Variants in KDM4C observed in about 807,000 individuals in gnomAD.
KDM4C encodes the protein lysine-specific demethylase 4C.
A neutral mutation model predicts 129.3 loss-of-function variants in KDM4C; 81 were observed. The ratio of observed to expected loss-of-function variants is 0.63; its 90% CI spans 0.52 to 0.75. The LOEUF (loss-of-function observed/expected upper bound fraction) is 0.75. Among genes scored for constraint, KDM4C ranks in the 30% least tolerant of loss-of-function variants. KDM4C has a pLI of 0.00. For missense variants in KDM4C, 1,457 were observed against 1,304.0 expected, an observed-to-expected ratio of 1.12 and a Z score of -1.81; for synonymous variants, 573 against 456.1, an observed-to-expected ratio of 1.26 and a Z score of -3.26.
intron 20 of KDM4C, among the ~76,000 whole-genome samples, chr9:7,166,938 G>T (rs750538100): frequency 9.9e-5 from 15 of 152,170 alleles, no homozygotes; most frequent in Non-Finnish European, 2.1e-4. Context: ...GGCCTTTTGA[G>T]ATCTTTTTGT....
chr9:6,857,488 C>T lies in KDM4C; in HGVS notation c.629+7788C>T, dbSNP rs192366027. On this transcript the variant is annotated intron_variant, in intron 5 of 21. Transcript: ENST00000381309. ...ACTCTAGCACACACCCACTTGCTTG[C>T]AGCCCCAAAACATTGATCTCTGTGG... is the stretch of plus-strand genomic sequence containing the variant. Among the ~76,000 whole-genome samples the T allele has an allele frequency of 9.8e-5, 15 of 152,294 alleles. No individual in the cohort carries two copies. In the East Asian group the frequency reaches 2.3e-3, roughly 23 times the overall value.
At chr9:7,036,764 T>C (rs945189882) in intron 15 of KDM4C, among the ~76,000 whole-genome samples, 2 of 152,234 alleles carry the variant, frequency 1.3e-5, no homozygotes, top group African/African-American at 4.8e-5. Context: ...AAGATTTGTC[T>C]GCACCACCCC....
intron 19 of KDM4C, among the ~76,000 whole-genome samples, chr9:7,130,705 C>T (rs567093913): frequency 6.6e-6 from 1 of 152,300 alleles, no homozygotes; most frequent in East Asian, 1.9e-4. Flanking sequence ...CATGAATTCA[C>T]ATAGATTGGA....
intron 8 of KDM4C, among the ~76,000 whole-genome samples, chr9:6,934,131 G>C (rs1824270359): frequency 6.6e-6 from 1 of 151,624 alleles, no homozygotes; most frequent in South Asian, 2.1e-4. Flanking sequence ...GGGATTACAG[G>C]TGTGAGCCAT....
At chr9:6,911,657 T>A (rs927588763) in intron 8 of KDM4C, among the ~76,000 whole-genome samples, 1 of 152,218 alleles carries the variant, frequency 6.6e-6, no homozygotes, top group Admixed American at 6.5e-5. Flanking sequence ...AGGGAGAAAT[T>A]TGACTAATCT....
intron 19 of KDM4C, among the ~76,000 whole-genome samples, chr9:7,162,229 A>C (rs537071127): frequency 1.0e-3 from 155 of 152,318 alleles, no homozygotes; most frequent in African/African-American, 3.6e-3. Context: ...TCTATAAGTA[A>C]AGAAAAAGAG....
At chr9:7,037,246 A>G (rs1346995986) in intron 15 of KDM4C, among the ~76,000 whole-genome samples, 1 of 152,140 alleles carries the variant, frequency 6.6e-6, no homozygotes, top group South Asian at 2.1e-4. Context: ...ACTTCAATCT[A>G]ATTATTTTTC....
intron 17 of KDM4C, among the ~76,000 whole-genome samples, chr9:7,050,104 T>C (rs1024165024): frequency 6.6e-6 from 1 of 152,064 alleles, no homozygotes; most frequent in African/African-American, 2.4e-5. Flanking sequence ...TCTGGGGCTC[T>C]CTTATAGGAA....
intron 15 of KDM4C, among the ~76,000 whole-genome samples, chr9:7,019,766 T>TTATATTTTTATATATAAA (rs1329668843): frequency 7.1e-6 from 1 of 141,096 alleles, no homozygotes; most frequent in Admixed American, 7.1e-5. Flanking sequence ...TATAAAAATA[T>TTATATTTTTATATATAAA]AATATTTTTA....
At chr9:6,753,561 A>T (rs1402232374), upstream of KDM4C, among the ~76,000 whole-genome samples, 1 of 152,178 alleles carries the variant, frequency 6.6e-6, no homozygotes, top group African/African-American at 2.4e-5. Flanking sequence ...GGCATGAGTC[A>T]TCTCACCTGG....
At position 6,954,935 on chromosome 9, in the gene KDM4C, T is replaced by C. The variant is rs78801480; in HGVS notation, c.922-25990T>C. 3.7e-3 allele frequency among the ~76,000 whole-genome samples: 570 copies of C among 152,354 alleles called. 18 individuals carry two copies. In the East Asian group the frequency reaches 0.087, roughly 23 times the overall value. On this transcript the variant is annotated intron_variant, in intron 8 of 21. Transcript: ENST00000381309. ...AAAGGCCAGAATCCGATACTAATTA[T>C]TTTGCTTCAGTCTCTAGTACTGCAG...
At chr9:7,003,325 A>G (rs1821073988) in intron 12 of KDM4C, among the ~76,000 whole-genome samples, 1 of 152,206 alleles carries the variant, frequency 6.6e-6, no homozygotes, top group East Asian at 1.9e-4. Flanking sequence ...GTTATAAAAT[A>G]TATATAAAAT....
chr9:7,047,010 A>T, intron 16 of KDM4C, 93 bp downstream of exon 16: 1 of 892,634 alleles, frequency 1.1e-6, no homozygotes, highest in Non-Finnish European at 1.8e-6. Context: ...CTCATTGTAC[A>T]CGTGGTTTCA....
intron 8 of KDM4C, among the ~76,000 whole-genome samples, chr9:6,923,009 T>G (rs1652527189): frequency 6.6e-6 from 1 of 152,190 alleles, no homozygotes. Flanking sequence ...AATCCTCTCA[T>G]TTCTTGTTTT....
At chr9:6,792,243 T>C (rs182748705) in intron 1 of KDM4C, among the ~76,000 whole-genome samples, 336 of 151,384 alleles carry the variant, frequency 2.2e-3, no homozygotes, top group Admixed American at 3.8e-3. Flanking sequence ...CTGGGGAGGC[T>C]GAGGCAGGAA....
intron 17 of KDM4C, among the ~76,000 whole-genome samples, chr9:7,085,821 TA>T (rs1159378537): frequency 6.6e-6 from 1 of 152,084 alleles, no homozygotes; most frequent in African/African-American, 2.4e-5. Flanking sequence ...GGAACTTAGA[TA>T]TTTTTTCCCT....
chr9:6,799,971 C>G (rs1004462050), intron 2 of KDM4C, among the ~76,000 whole-genome samples: 2 of 151,812 alleles, frequency 1.3e-5, no homozygotes, highest in Non-Finnish European at 2.9e-5. Context: ...GCCTGTAGTC[C>G]CAGCACTTTG....
At chr9:6,868,347 A>G (rs1842363656) in intron 5 of KDM4C, among the ~76,000 whole-genome samples, 1 of 152,128 alleles carries the variant, frequency 6.6e-6, no homozygotes, top group South Asian at 2.1e-4. Context: ...TTCCGTAGGT[A>G]ACATAGCATT....
chr9:7,041,506 A>G (rs997296059), intron 15 of KDM4C, among the ~76,000 whole-genome samples: 4 of 151,528 alleles, frequency 2.6e-5, no homozygotes, highest in Admixed American at 1.3e-4. Flanking sequence ...GTTGAATGAA[A>G]TCAACATTTT....
Sources: gnomAD v4.1 joint callset for allele counts (sites outside exome capture counted in the v4.1 genomes callset) on GRCh38, gnomAD v4.1.1 for gene constraint, MANE v1.5 for transcripts, NCBI Gene and HGNC (gene_info 2026-07-23, HGNC 2026-07-21) for gene names.